Variants in TMEM273 observed in about 807,000 individuals in gnomAD.
TMEM273 encodes the protein chromosome 10 open reading frame 128.
A neutral mutation model predicts 17.9 loss-of-function variants in TMEM273; 19 were observed. The ratio of observed to expected loss-of-function variants is 1.06; its 90% CI spans 0.74 to 1.55. The LOEUF is 1.55. TMEM273 is among the 40% of genes most tolerant of loss of function. TMEM273 has a pLI of 0.00. For missense variants in TMEM273, 194 were observed against 155.6 expected (o/e 1.25, Z -1.31); for synonymous variants, 66 against 62.0 (o/e 1.07, Z -0.31).
chr10:49,178,210 A>C, intron 1 of TMEM273: 1 of 457,180 alleles, frequency 2.2e-6, no homozygotes. Context: ...CCTCTTGCAC[A>C]ACCCCTGTAG....
At chr10:49,185,748 G>A (rs1012107146) in intron 1 of TMEM273, among the ~76,000 whole-genome samples, 2 of 152,094 alleles carry the variant, frequency 1.3e-5, no homozygotes, top group Non-Finnish European at 2.9e-5. Context: ...GGAGGCCGAG[G>A]TGGGCGGAAC....
At chr10:49,167,228 G>T (rs1188931307) in intron 2 of TMEM273, among the ~76,000 whole-genome samples, 2 of 152,256 alleles carry the variant, frequency 1.3e-5, no homozygotes, top group South Asian at 4.1e-4. Context: ...ACCTTTCAAG[G>T]CTCCCTGAAG....
At chr10:49,178,791 G>A (rs1250475237) in intron 1 of TMEM273, among the ~76,000 whole-genome samples, 1 of 152,106 alleles carries the variant, frequency 6.6e-6, no homozygotes. Context: ...CATTGCAACT[G>A]TCCCCTGTAG....
chr10:49,184,729 C>T (rs566450824), intron 1 of TMEM273, among the ~76,000 whole-genome samples: 4 of 150,940 alleles, frequency 2.7e-5, no homozygotes, highest in East Asian at 1.9e-4. Flanking sequence ...AGAATTGACA[C>T]GACATTTCCC....
intron 1 of TMEM273, among the ~76,000 whole-genome samples, chr10:49,174,240 C>T (rs764034790): frequency 3.3e-5 from 5 of 152,208 alleles, no homozygotes; most frequent in African/African-American, 7.2e-5. Context: ...TGGGTGCTGG[C>T]GGGCCCTGCC....
chr10:49,186,068 G>GAAGAAGAAGAAGAAGAAGAAGAAGAAGAA lies in TMEM273; in HGVS notation c.43+2225_43+2226insTTCTTCTTCTTCTTCTTCTTCTTCTTCTT, dbSNP rs1554850042. Among the ~76,000 whole-genome samples the GAAGAAGAAGAAGAAGAAGAAGAAGAAGAA allele has an allele frequency of 3.3e-4, 22 of 67,186 alleles. 1 individual carries two copies. The highest frequency in any genetic ancestry group is 6.1e-4 in the South Asian group (1 of 1,634). 44.1% of individuals were successfully genotyped at this position (67,186 alleles called of 152,430 possible). ...AAGAAGAAGAGGAAGAAGAAGAAGAGGAAGAAGAAGAAGAAGAAGAAGAAG... is the reference window on the plus strand; with the variant it reads ...AAGAAGAAGAGGAAGAAGAAGAAGAGAAGAAGAAGAAGAAGAAGAAGAAGAAGAAGAAGAAGAAGAAGAAGAAGAAGAAG... On this transcript the variant is annotated intron_variant, in intron 1 of 6. Transcript: ENST00000374153.
intron 1 of TMEM273, among the ~76,000 whole-genome samples, chr10:49,172,815 G>A (rs779992058): frequency 2.0e-5 from 3 of 152,188 alleles, no homozygotes; most frequent in East Asian, 1.9e-4. Context: ...CACCTGAGAC[G>A]GGCATCTGCC....
chr10:49,164,756 C>T (rs987142592), intron 5 of TMEM273, among the ~76,000 whole-genome samples: 1 of 152,140 alleles, frequency 6.6e-6, no homozygotes, highest in African/African-American at 2.4e-5. Context: ...TGAGGCTCCC[C>T]TGCACCTCCT....
At chr10:49,170,846 C>T (rs959988430) in intron 1 of TMEM273, among the ~76,000 whole-genome samples, 1 of 152,220 alleles carries the variant, frequency 6.6e-6, no homozygotes, top group African/African-American at 2.4e-5. Flanking sequence ...CCCCTGCATC[C>T]TGCTAGGGTC....
In TMEM273 at chr10:49,166,999, G is replaced by A. The variant is rs371526891; in HGVS notation, c.108C>T (p.Tyr36=). The change falls in exon 3 of 7, where the codon TAC becomes TAT. Residue 36 remains tyrosine (Y), a synonymous_variant. Transcript: ENST00000374153. ...KTPGAEIDFK[Y]ALIGTAVGVA... Reference sequence around the variant, plus strand: ...CACCCACAGCAGTCCCGATGAGGGCGTACTTGAAATCTGAAACGCAGGGAG... The same window carrying A: ...CACCCACAGCAGTCCCGATGAGGGCATACTTGAAATCTGAAACGCAGGGAG... 94 of 1,613,880 alleles carry A rather than the reference G, an allele frequency of 5.8e-5. No individual in the cohort carries two copies. Among genetic ancestry groups the A allele is most frequent in the African/African-American group, 1.1e-4 (8 of 74,928 alleles).
intron 1 of TMEM273, among the ~76,000 whole-genome samples, chr10:49,169,024 A>T (rs2132170749): frequency 6.6e-6 from 1 of 152,292 alleles, no homozygotes; most frequent in Admixed American, 6.5e-5. Flanking sequence ...GGTCTTGCTA[A>T]TTTGCCCAAG....
chr10:49,161,398 C>T, intron 6 of TMEM273: 2 of 640,550 alleles, frequency 3.1e-6, no homozygotes, highest in Non-Finnish European at 5.5e-6. Context: ...CATGTTAAAT[C>T]TTGCCAAGTA....
intron 5 of TMEM273, among the ~76,000 whole-genome samples, chr10:49,162,759 C>T (rs2132117184): frequency 6.6e-6 from 1 of 152,290 alleles, no homozygotes; most frequent in East Asian, 1.9e-4. Context: ...GCCAACACAG[C>T]CCATCCATTC....
chr10:49,166,444 C>G, intron 3 of TMEM273: 1 of 255,028 alleles, frequency 3.9e-6, no homozygotes. Flanking sequence ...TTAGGACCAA[C>G]CTCGCTGCCT....
intron 6 of TMEM273, among the ~76,000 whole-genome samples, chr10:49,159,701 GAGAGAGAGAGTGAGAGAGAGAC>G (rs1248409061): frequency 6.8e-6 from 1 of 146,794 alleles, no homozygotes; most frequent in Admixed American, 6.9e-5. Context: ...TAAAATAAAA[GAGAGAGAGAGTGAGAGAGAGAC>G]AGAGAGAGTG....
rs370652646 is a variant in TMEM273, at chr10:49,155,755, T to C, written c.*137A>G. ...ACTGTATATTCTATTCCTTCTATTA[T>C]TTGCCTCCAATATTCAGTCCATGTG... is the stretch of plus-strand genomic sequence containing the variant. On this transcript the variant is annotated 3_prime_UTR_variant, in exon 7 of 7. Transcript: ENST00000374153. 20 of 1,203,842 alleles carry C rather than the reference T, an allele frequency of 1.7e-5. No homozygotes were observed. In the African/African-American group the frequency reaches 2.4e-4, roughly 14 times the overall value. 74.6% of individuals were successfully genotyped at this position (1,203,842 alleles called of 1,614,324 possible).
intron 1 of TMEM273, among the ~76,000 whole-genome samples, chr10:49,186,660 A>C (rs1847746966): frequency 6.6e-6 from 1 of 152,232 alleles, no homozygotes; most frequent in African/African-American, 2.4e-5. Flanking sequence ...GAGAGGATTA[A>C]TTCTTTGTCC....
chr10:49,181,269 A>G (rs1847325290), intron 1 of TMEM273, among the ~76,000 whole-genome samples: 1 of 152,256 alleles, frequency 6.6e-6, no homozygotes, highest in Admixed American at 6.5e-5. Flanking sequence ...ACAACATGAT[A>G]AAGATGTCAA....
chr10:49,172,681 C>T (rs185581727), intron 1 of TMEM273, among the ~76,000 whole-genome samples: 3 of 152,336 alleles, frequency 2.0e-5, no homozygotes, highest in African/African-American at 4.8e-5. Context: ...GGACCAGACA[C>T]AGCACGGCTC....
Sources: gnomAD v4.1 joint callset for allele counts (sites outside exome capture counted in the v4.1 genomes callset) on GRCh38, gnomAD v4.1.1 for gene constraint, MANE v1.5 for transcripts, NCBI Gene and HGNC (gene_info 2026-07-23, HGNC 2026-07-21) for gene names.